SPON1: variants seen among roughly 807,000 people sequenced by gnomAD.
The protein encoded by SPON1 is spondin 1.
SPON1 carries 52 observed loss-of-function variants against 111.7 expected under a neutral mutation model. The observed-to-expected ratio is 0.47, with a 90% CI of 0.37 to 0.59. The LOEUF (loss-of-function observed/expected upper bound fraction) is 0.59, where lower values mean the gene tolerates loss of function less well. Ranked by LOEUF, SPON1 falls within the 20% of genes least tolerant of loss-of-function variation. The pLI is 0.00. For synonymous variants in SPON1, 410 were observed against 395.8 expected (o/e 1.04, Z -0.43); for missense variants, 957 against 1,068.5 (o/e 0.90, Z 1.46).
chr11:14,147,808 A>G (rs1847741014), intron 6 of SPON1, among the ~76,000 whole-genome samples: 1 of 141,054 alleles, frequency 7.1e-6, no homozygotes, highest in African/African-American at 2.6e-5. Context: ...TTTTTGATAT[A>G]TAAAGAGCTT....
chr11:14,190,726 C>T (rs1223738645), intron 6 of SPON1, among the ~76,000 whole-genome samples: 1 of 151,222 alleles, frequency 6.6e-6, no homozygotes, highest in Non-Finnish European at 1.5e-5. Flanking sequence ...CTGCAACCTC[C>T]ACCTCCCAGA....
intron 10 of SPON1, 53 bp from the exon 11 acceptor site, chr11:14,257,663 C>A: frequency 6.6e-7 from 1 of 1,504,450 alleles, no homozygotes; most frequent in Non-Finnish European, 9.0e-7. Flanking sequence ...GGGAGAGGGC[C>A]AGTGGCAGCT....
chr11:14,254,378 C>T, intron 7 of SPON1, 150 bp from the exon 8 acceptor site: 2 of 693,520 alleles, frequency 2.9e-6, no homozygotes, highest in Non-Finnish European at 4.8e-6. Context: ...AGGGTATAAA[C>T]CCACAGTGGC....
chr11:14,114,862 A>C (rs1554925835), intron 5 of SPON1, among the ~76,000 whole-genome samples: 1 of 152,178 alleles, frequency 6.6e-6, no homozygotes, highest in African/African-American at 2.4e-5. Flanking sequence ...CCCCAGGACC[A>C]TATGTAGGAT....
chr11:14,218,418 A>G (rs1253348362), intron 6 of SPON1, among the ~76,000 whole-genome samples: 2 of 152,182 alleles, frequency 1.3e-5, no homozygotes, highest in Admixed American at 1.3e-4. Context: ...CTGACTTGCC[A>G]TTATGTGTTC....
intron 2 of SPON1, among the ~76,000 whole-genome samples, chr11:13,984,598 C>T (rs1848168130): frequency 1.3e-5 from 2 of 152,184 alleles, no homozygotes; most frequent in African/African-American, 4.8e-5. Flanking sequence ...AGAGCCATCA[C>T]GACTTCATCA....
intron 6 of SPON1, chr11:14,224,766 C>A: frequency 2.0e-6 from 1 of 498,398 alleles, no homozygotes; most frequent in Non-Finnish European, 4.0e-6. Flanking sequence ...GATATGAGGC[C>A]GGAGAAGTAG....
chr11:14,116,705 A>C (rs1849269624), intron 5 of SPON1, among the ~76,000 whole-genome samples: 1 of 152,038 alleles, frequency 6.6e-6, no homozygotes, highest in African/African-American at 2.4e-5. Context: ...ATTCTTGGTC[A>C]TTTGCATTTC....
intron 7 of SPON1, among the ~76,000 whole-genome samples, 187 bp from the exon 8 acceptor site, chr11:14,254,341 G>A (rs1490786849): frequency 6.6e-6 from 1 of 152,178 alleles, no homozygotes; most frequent in Non-Finnish European, 1.5e-5. Context: ...CTCCACATTT[G>A]TTCAATGGAT....
At chr11:13,969,095 G>A (rs539324604) in intron 1 of SPON1, among the ~76,000 whole-genome samples, 1 of 151,850 alleles carries the variant, frequency 6.6e-6, no homozygotes, top group East Asian at 1.9e-4. Flanking sequence ...AATCAGCAGA[G>A]GAAGCCAGAT....
At chr11:14,164,786 TG>T (rs1350777609) in intron 6 of SPON1, among the ~76,000 whole-genome samples, 12 of 151,888 alleles carry the variant, frequency 7.9e-5, no homozygotes, top group Admixed American at 7.9e-4. Context: ...ACTTGGTGGG[TG>T]GGGGGAAGCT....
intron 3 of SPON1, among the ~76,000 whole-genome samples, chr11:14,068,669 T>G (rs1848851694): frequency 6.6e-6 from 1 of 152,212 alleles, no homozygotes. Flanking sequence ...CCAACTCCTG[T>G]GCCATTTTTC....
Position 14,143,280 on chromosome 11 carries a change from G to A in SPON1, c.825+7712G>A, listed in dbSNP as rs145264637. Among the ~76,000 whole-genome samples the A allele has an allele frequency of 7.9e-5, 12 of 152,304 alleles. No homozygotes were observed. In the East Asian group the frequency reaches 2.1e-3, roughly 27 times the overall value. ...GTTTATACTAAGAAGGGAACTGAAG[G>A]CCTGGGTGTGGTGGCTCATGCCTGT... On this transcript the variant is annotated intron_variant, in intron 6 of 15. Coordinates refer to ENST00000576479, the MANE Select transcript of SPON1 (RefSeq NM_006108.4).
chr11:14,160,887 TTA>T (rs1168721569), intron 6 of SPON1, among the ~76,000 whole-genome samples: 29 of 43,668 alleles, frequency 6.6e-4, no homozygotes, highest in East Asian at 3.3e-3. Flanking sequence ...TTTTATATAT[TTA>T]TATATATTTA....
At chr11:13,967,525 A>C (rs1848027147) in intron 1 of SPON1, among the ~76,000 whole-genome samples, 1 of 120,782 alleles carries the variant, frequency 8.3e-6, no homozygotes, top group Non-Finnish European at 1.7e-5. Context: ...GATAGGAAAA[A>C]AAAAACCCAG....
In SPON1 at chr11:14,173,578, A is replaced by G. The variant is rs193197058; in HGVS notation, c.825+38010A>G. ...GAGGAGAAGGGGTGCTCTGATTTTTAGAGTTTCCGGTTTTTCTGCTCTGTT... is the reference window on the plus strand; with the variant it reads ...GAGGAGAAGGGGTGCTCTGATTTTTGGAGTTTCCGGTTTTTCTGCTCTGTT... On this transcript the variant is annotated intron_variant, in intron 6 of 15. Transcript: ENST00000576479. 1.3e-3 allele frequency among the ~76,000 whole-genome samples: 195 copies of G among 152,176 alleles called. 1 individual carries two copies. Among genetic ancestry groups the G allele is most frequent in the Admixed American group, 3.0e-3 (46 of 15,290 alleles).
intron 5 of SPON1, among the ~76,000 whole-genome samples, chr11:14,128,982 G>T (rs1330165320): frequency 6.6e-6 from 1 of 152,244 alleles, no homozygotes; most frequent in African/African-American, 2.4e-5. Context: ...ATGTCCCAAG[G>T]CTGCACAGAC....
At chr11:14,260,294 T>C (rs1344846741) in intron 13 of SPON1, among the ~76,000 whole-genome samples, 1 of 152,208 alleles carries the variant, frequency 6.6e-6, no homozygotes, top group Non-Finnish European at 1.5e-5. Flanking sequence ...AGGAAGACCC[T>C]GCTAAGATCC....
In SPON1 at chr11:14,267,232, T is replaced by G. The variant is rs902241341; in HGVS notation, c.*1545T>G. 5 of 152,348 alleles carry G rather than the reference T, an allele frequency of 3.3e-5. No individual in the cohort carries two copies. In the South Asian group the frequency reaches 1.0e-3, roughly 32 times the overall value. 9.4% of individuals were successfully genotyped at this position (152,348 alleles called of 1,614,324 possible). ...GGGTCTTTCATGTCTTTAAGCTAAG[T>G]AAGTGTTCAGAAGGTTCTTTTTTAT... On this transcript the variant is annotated 3_prime_UTR_variant, in exon 16 of 16. Transcript: ENST00000576479.
Sources: gnomAD v4.1 joint callset for allele counts (sites outside exome capture counted in the v4.1 genomes callset) on GRCh38, gnomAD v4.1.1 for gene constraint, MANE v1.5 for transcripts, NCBI Gene and HGNC (gene_info 2026-07-23, HGNC 2026-07-21) for gene names.